The following AKAP13 variants were observed in gnomAD, a reference collection of about 807,000 sequenced individuals.
AKAP13 encodes A-kinase anchor protein 13.
A neutral mutation model predicts 264.5 loss-of-function variants in AKAP13; 80 were observed. The observed-to-expected ratio is 0.30, with a 90% CI of 0.25 to 0.36. The LOEUF (loss-of-function observed/expected upper bound fraction) is 0.36. Among genes scored for constraint, AKAP13 ranks in the 10% least tolerant of loss-of-function variants. The probability of loss-of-function intolerance (pLI) is 1.00; values close to 1 mark genes in which losing one functional copy is unlikely to be tolerated. For synonymous variants in AKAP13, 1,380 were observed against 1,250.2 expected, an observed-to-expected ratio of 1.10 and a Z score of -2.19; for missense variants, 3,712 against 3,435.2, an observed-to-expected ratio of 1.08 and a Z score of -2.01.
At chr15:85,682,545 T>A (rs571673519) in intron 15 of AKAP13, among the ~76,000 whole-genome samples, 14 of 152,220 alleles carry the variant, frequency 9.2e-5, no homozygotes, top group African/African-American at 2.9e-4. Flanking sequence ...CAACATTTTG[T>A]TTCATATTAG....
intron 14 of AKAP13, among the ~76,000 whole-genome samples, chr15:85,677,376 G>A (rs941702198): frequency 2.6e-5 from 4 of 152,190 alleles, no homozygotes; most frequent in African/African-American, 9.7e-5. Flanking sequence ...TGTAGGGGGT[G>A]TGTTCCCATC....
At chr15:85,608,129 A>G (rs561806743) in intron 8 of AKAP13, among the ~76,000 whole-genome samples, 2 of 124,906 alleles carry the variant, frequency 1.6e-5, no homozygotes, top group Non-Finnish European at 3.5e-5. Context: ...TGACTGTGCT[A>G]GAGCTATTCT....
chr15:85,709,929 C>T (rs569391333), intron 18 of AKAP13, among the ~76,000 whole-genome samples: 92 of 152,116 alleles, frequency 6.0e-4, no homozygotes, highest in African/African-American at 2.1e-3. Context: ...CTGAGGTGAT[C>T]CACCCACCTC....
chr15:85,518,830 A>C (rs911734453), intron 2 of AKAP13, among the ~76,000 whole-genome samples: 1 of 152,142 alleles, frequency 6.6e-6, no homozygotes, highest in African/African-American at 2.4e-5. Context: ...ACCTGTCTCA[A>C]ACAACAACAA....
At chr15:85,555,403 C>T in intron 5 of AKAP13, 1 of 1,286,496 alleles carries the variant, frequency 7.8e-7, no homozygotes, top group Non-Finnish European at 1.0e-6. Context: ...GGTAACCAGG[C>T]TGCTTTCCTC....
chr15:85,383,549 A>G (rs1274521275), intron 1 of AKAP13, among the ~76,000 whole-genome samples: 1 of 152,200 alleles, frequency 6.6e-6, no homozygotes, highest in Non-Finnish European at 1.5e-5. Flanking sequence ...AGGTTTAGCT[A>G]TTTCTTTCAT....
At chr15:85,473,090 T>A (rs2075019575) in intron 1 of AKAP13, among the ~76,000 whole-genome samples, 1 of 152,238 alleles carries the variant, frequency 6.6e-6, no homozygotes, top group African/African-American at 2.4e-5. Context: ...GCTAATAATT[T>A]GGTCATAATA....
intron 1 of AKAP13, among the ~76,000 whole-genome samples, chr15:85,425,092 A>G (rs1394837927): frequency 6.6e-6 from 1 of 152,242 alleles, no homozygotes; most frequent in Non-Finnish European, 1.5e-5. Flanking sequence ...GAGCATTACC[A>G]AAACGTGACA....
At chr15:85,493,051 T>A (rs968386167) in intron 2 of AKAP13, among the ~76,000 whole-genome samples, 3 of 152,220 alleles carry the variant, frequency 2.0e-5, no homozygotes, top group Non-Finnish European at 4.4e-5. Context: ...TGGGGTACCC[T>A]TGTTCTGCGC....
chr15:85,464,652 C>G, intron 1 of AKAP13, among the ~76,000 whole-genome samples: 1 of 152,160 alleles, frequency 6.6e-6, no homozygotes, highest in East Asian at 1.9e-4. Context: ...GTCTGAGGCT[C>G]AGAGTTAAAT....
intron 10 of AKAP13, among the ~76,000 whole-genome samples, chr15:85,650,104 C>A (rs1481817723): frequency 6.6e-6 from 1 of 151,864 alleles, no homozygotes; most frequent in Non-Finnish European, 1.5e-5. Flanking sequence ...CAAAAAATTA[C>A]TTAAAAAAAA....
chr15:85,717,313 C>A lies in AKAP13; in HGVS notation c.5759C>A (p.Ser1920Ter). The A allele has an allele frequency of 6.2e-7, 1 of 1,612,326 alleles. No homozygotes were observed. The highest frequency in any genetic ancestry group is 1.1e-5 in the South Asian group (1 of 90,634). ...ITGVGNDENMSNTWKFLSHST... is the reference protein window; with the variant it reads ...ITGVGNDENM Reference sequence around the variant, plus strand: ...AGAGTTGGCAATGATGAGAACATGTCAAACACCTGGAAATTCCTGTCTCAT... The same window carrying A: ...AGAGTTGGCAATGATGAGAACATGTAAAACACCTGGAAATTCCTGTCTCAT... The change falls in exon 21 of 37, where the codon TCA becomes TAA. Residue 1920 changes from serine to a stop codon, truncating the protein, a stop_gained. Coordinates refer to ENST00000394518, the MANE Select transcript of AKAP13 (RefSeq NM_007200.5). LOFTEE classifies it high-confidence loss of function.
chr15:85,723,024 C>T (rs781387951), intron 25 of AKAP13, 48 bp from the exon 26 acceptor site: 5 of 1,593,182 alleles, frequency 3.1e-6, no homozygotes, highest in Non-Finnish European at 3.4e-6. Flanking sequence ...TGCTTCTGCC[C>T]TTGTCCAAAA....
At chr15:85,699,018 T>C (rs888975958) in intron 17 of AKAP13, among the ~76,000 whole-genome samples, 1 of 151,008 alleles carries the variant, frequency 6.6e-6, no homozygotes, top group African/African-American at 2.4e-5. Context: ...GACCATAGTG[T>C]GCCAAGCCCT....
In AKAP13 at chr15:85,582,029, A is replaced by G; in HGVS notation, c.3961A>G (p.Ser1321Gly). 1.2e-6 allele frequency: 2 copies of G among 1,614,138 alleles called. No homozygotes were observed. Among genetic ancestry groups the G allele is most frequent in the Non-Finnish European group, 1.7e-6 (2 of 1,180,016 alleles). ...CAGTACTCCTGAGGAAGCCACGGGG[A>G]GCCTTGCAGGATGTTTTGCTGGAAG... is the stretch of plus-strand genomic sequence containing the variant. ...MGSTPEEATG[S>G]LAGCFAGREE... Residue 1321 changes from serine (S) to glycine (G), a missense_variant, in exon 7 of 37, where the codon AGC (serine) becomes GGC (glycine). By Grantham distance (56) the Ser-to-Gly change is moderately conservative. Around this residue, in one of 3 missense-constraint regions of AKAP13, gnomAD observed 2,759 missense variants for 2,411.7 expected, o/e 1.14. Coordinates refer to ENST00000394518, the MANE Select transcript of AKAP13 (RefSeq NM_007200.5).
intron 17 of AKAP13, among the ~76,000 whole-genome samples, chr15:85,705,067 G>A (rs1426827692): frequency 1.3e-5 from 2 of 152,144 alleles, no homozygotes; most frequent in African/African-American, 4.8e-5. Flanking sequence ...CTTCCAGCTG[G>A]GTTGTGGGTT....
intron 17 of AKAP13, among the ~76,000 whole-genome samples, chr15:85,703,081 A>G (rs1440937281): frequency 6.6e-6 from 1 of 152,240 alleles, no homozygotes; most frequent in African/African-American, 2.4e-5. Context: ...TTTACATAAA[A>G]AATAAACAAG....
intron 1 of AKAP13, among the ~76,000 whole-genome samples, chr15:85,421,592 C>T (rs59763908): frequency 0.1 from 15,251 of 152,264 alleles, 1,074 homozygotes; most frequent in East Asian, 0.36. Flanking sequence ...TGTGCGCGCG[C>T]GCCTGTGCAC....
intron 15 of AKAP13, among the ~76,000 whole-genome samples, chr15:85,682,573 A>G (rs2151605316): frequency 6.6e-6 from 1 of 152,256 alleles, no homozygotes; most frequent in African/African-American, 2.4e-5. Context: ...GTGTGTGTGC[A>G]ATTTATAATA....
Sources: allele counts gnomAD v4.1 joint callset (sites outside exome capture counted in the v4.1 genomes callset), GRCh38; gene constraint gnomAD v4.1.1; regional missense constraint gnomAD v4.1.1; transcripts MANE v1.5; gene names NCBI Gene and HGNC (gene_info 2026-07-23, HGNC 2026-07-21).